LAMA2: variants seen among roughly 807,000 people sequenced by gnomAD.
The protein encoded by LAMA2 is laminin subunit alpha 2, also known as laminin subunit alpha-2.
LAMA2 carries 269 observed loss-of-function variants against 364.8 expected under a neutral mutation model. The ratio of observed to expected loss-of-function variants is 0.74; its 90% confidence interval spans 0.67 to 0.82. The LOEUF (loss-of-function observed/expected upper bound fraction) is 0.82, where lower values mean the gene tolerates loss of function less well. Among genes scored for constraint, LAMA2 ranks in the 40% least tolerant of loss-of-function variants. The pLI is 0.00. For missense variants in LAMA2, 3,807 were observed against 3,873.2 expected, an observed-to-expected ratio of 0.98 and a Z score of 0.45; for synonymous variants, 1,379 against 1,370.6, an observed-to-expected ratio of 1.01 and a Z score of -0.14.
intron 12 of LAMA2, among the ~76,000 whole-genome samples, chr6:129,201,306 A>AT (rs1782267061): frequency 6.6e-6 from 1 of 152,172 alleles, no homozygotes; most frequent in Admixed American, 6.5e-5. Flanking sequence ...GGCAGCTAGC[A>AT]TTTGTGAGGC....
chr6:129,310,350 G>A (rs1774141608), intron 22 of LAMA2, among the ~76,000 whole-genome samples: 1 of 152,182 alleles, frequency 6.6e-6, no homozygotes, highest in African/African-American at 2.4e-5. Context: ...CCTGGTAATG[G>A]TGGATATAAG....
chr6:129,193,834 T>C (rs1046147442), intron 12 of LAMA2, among the ~76,000 whole-genome samples: 7 of 152,116 alleles, frequency 4.6e-5, no homozygotes, highest in Non-Finnish European at 8.8e-5. Context: ...AGTATTGAAA[T>C]AGAAAAACTT....
At chr6:129,127,561 C>T (rs745594100) in intron 4 of LAMA2, among the ~76,000 whole-genome samples, 6 of 152,124 alleles carry the variant, frequency 3.9e-5, no homozygotes, top group South Asian at 2.1e-4. Flanking sequence ...TAGATCGCAT[C>T]GTGATTCTAC....
chr6:129,165,320 A>G (rs549826171), intron 8 of LAMA2, among the ~76,000 whole-genome samples: 1 of 152,246 alleles, frequency 6.6e-6, no homozygotes, highest in Admixed American at 6.5e-5. Flanking sequence ...ATAAAACATG[A>G]AAATATCAAT....
chr6:128,975,040 G>C (rs1008523022), intron 1 of LAMA2, among the ~76,000 whole-genome samples: 8 of 151,988 alleles, frequency 5.3e-5, no homozygotes, highest in African/African-American at 1.9e-4. Context: ...TTTTAGTAGA[G>C]ACGAGGTTTC....
chr6:129,384,835 CT>C (rs1376888612), intron 35 of LAMA2, among the ~76,000 whole-genome samples: 4 of 151,828 alleles, frequency 2.6e-5, no homozygotes, highest in African/African-American at 7.3e-5. Context: ...ATAGGGCACC[CT>C]TTTCTAATTT....
intron 3 of LAMA2, among the ~76,000 whole-genome samples, chr6:129,080,044 C>A (rs954598591): frequency 6.6e-6 from 1 of 152,002 alleles, no homozygotes; most frequent in Non-Finnish European, 1.5e-5. Flanking sequence ...ATACTTGTGT[C>A]TGGAATTACA....
At position 129,325,255 on chromosome 6, in the gene LAMA2, G is replaced by C. The variant is rs1042961703; in HGVS notation, c.4177-3023G>C. On this transcript the variant is annotated intron_variant, in intron 28 of 64. Coordinates refer to ENST00000421865, the MANE Select transcript of LAMA2 (RefSeq NM_000426.4). ...AGCCATGAATAATTTCAACAGTGGG[G>C]AAGAGAACTTTGGAAAAGTTTAAAT... is the stretch of plus-strand genomic sequence containing the variant. 2.0e-5 allele frequency among the ~76,000 whole-genome samples: 3 copies of C among 152,162 alleles called. No homozygotes were observed. The East Asian group carries it at 5.8e-4, about 29-fold the overall frequency.
intron 1 of LAMA2, among the ~76,000 whole-genome samples, chr6:128,942,798 C>T (rs911474431): frequency 1.3e-5 from 2 of 152,118 alleles, no homozygotes; most frequent in African/African-American, 4.8e-5. Flanking sequence ...TGGTACCTGC[C>T]TCAGTTGCAG....
chr6:129,265,090 A>G (rs990780528), intron 15 of LAMA2, among the ~76,000 whole-genome samples: 1 of 152,146 alleles, frequency 6.6e-6, no homozygotes, highest in African/African-American at 2.4e-5. Flanking sequence ...CTAATCCATC[A>G]GAGAGAGTGA....
chr6:129,302,735 T>C (rs12195889), intron 22 of LAMA2, among the ~76,000 whole-genome samples: 24,903 of 152,048 alleles, frequency 0.16, 2,670 homozygotes, highest in Non-Finnish European at 0.24. Flanking sequence ...TTTTTCCCAT[T>C]GAATTACTTT....
intron 43 of LAMA2, chr6:129,442,216 A>G: frequency 7.6e-7 from 1 of 1,320,242 alleles, no homozygotes; most frequent in South Asian, 1.2e-5. Flanking sequence ...TCAGCATCCT[A>G]GCCTCAAATC....
intron 1 of LAMA2, among the ~76,000 whole-genome samples, chr6:128,909,657 G>T (rs1400559313): frequency 1.0e-4 from 15 of 149,506 alleles, no homozygotes; most frequent in African/African-American, 3.7e-4. Flanking sequence ...ATATTGTTAT[G>T]TGTGAATTTG....
chr6:129,512,844 G>C (rs1312027310), intron 63 of LAMA2, among the ~76,000 whole-genome samples: 1 of 152,172 alleles, frequency 6.6e-6, no homozygotes, highest in Non-Finnish European at 1.5e-5. Context: ...TCCAGTGGGA[G>C]AAAAGGCAGA....
intron 12 of LAMA2, among the ~76,000 whole-genome samples, chr6:129,230,593 A>G (rs964804460): frequency 2.0e-5 from 3 of 152,104 alleles, no homozygotes; most frequent in Non-Finnish European, 4.4e-5. Context: ...TCAAGGAGAA[A>G]AGAGAAAGTA....
At chr6:129,039,763 G>A (rs551941301) in intron 1 of LAMA2, among the ~76,000 whole-genome samples, 3 of 152,234 alleles carry the variant, frequency 2.0e-5, no homozygotes, top group Admixed American at 6.5e-5. Context: ...TAGATCCCTC[G>A]CATGCACAGT....
intron 64 of LAMA2, 93 bp from the exon 65 acceptor site, chr6:129,516,093 CAATT>C: frequency 7.5e-7 from 1 of 1,329,034 alleles, no homozygotes; most frequent in East Asian, 2.3e-5. Context: ...AACAGCATTC[CAATT>C]TAATCTCAAG....
intron 1 of LAMA2, among the ~76,000 whole-genome samples, chr6:128,995,199 T>TATCA (rs1425495972): frequency 2.0e-5 from 3 of 152,210 alleles, no homozygotes; most frequent in Non-Finnish European, 2.9e-5. Context: ...TATTTTATTT[T>TATCA]ATCAACTTTT....
chr6:129,287,410 C>A (rs57008513), intron 18 of LAMA2, among the ~76,000 whole-genome samples: 2 of 151,906 alleles, frequency 1.3e-5, no homozygotes, highest in Non-Finnish European at 2.9e-5. Context: ...AATTTCCTTG[C>A]GAGCCTGTTT....
Sources: gnomAD v4.1 joint callset for allele counts (sites outside exome capture counted in the v4.1 genomes callset) on GRCh38, gnomAD v4.1.1 for gene constraint, MANE v1.5 for transcripts, NCBI Gene and HGNC (gene_info 2026-07-23, HGNC 2026-07-21) for gene names.